Variants in SLC34A3 observed in about 807,000 individuals in gnomAD.
SLC34A3 encodes the protein solute carrier family 34 member 3, also known as sodium-dependent phosphate transport protein 2C.
A neutral mutation model predicts 43.9 loss-of-function variants in SLC34A3; 60 were observed. The ratio of observed to expected loss-of-function variants is 1.37; its 90% CI spans 1.11 to 1.70. The LOEUF (loss-of-function observed/expected upper bound fraction) is 1.70, where lower values mean the gene tolerates loss of function less well. Among genes scored for constraint, SLC34A3 ranks in the 40% most tolerant of loss-of-function variants. SLC34A3 has a pLI of 0.00. For missense variants in SLC34A3, 969 were observed against 823.8 expected (o/e 1.18, Z -2.16); for synonymous variants, 451 against 386.2 (o/e 1.17, Z -1.97).
upstream of SLC34A3, chr9:137,230,839 A>G (rs1298437835): frequency 6.6e-6 from 1 of 152,188 alleles, no homozygotes; most frequent in African/African-American, 2.4e-5. Flanking sequence ...TAATGGGCTC[A>G]GTACCCAGCA....
Position 137,232,179 on chromosome 9 carries a change from G to A in SLC34A3, c.175+18G>A, listed in dbSNP as rs546668671. 4.4e-5 allele frequency: 70 copies of A among 1,609,074 alleles called. No individual in the cohort carries two copies. Among genetic ancestry groups the A allele is most frequent in the Non-Finnish European group, 4.8e-5 (56 of 1,176,810 alleles). On this transcript the variant is annotated intron_variant, in intron 3 of 12. Transcript: ENST00000673835. The stretch of plus-strand genomic sequence containing the variant: ...CTGGAAAGGTGGGTCTGGAGGTTCC[G>A]GGGGTGGCAGGCTGGCAGGCCTCTG...
At position 137,235,728 on chromosome 9, in the gene SLC34A3, G is replaced by A. The variant is rs370529955; in HGVS notation, c.1336-224G>A. ...CAGCAGTGATGCAGTCAGTGCTCGG[G>A]GGTGCTGGGCTGGACTGCAGCTCCC... is the stretch of plus-strand genomic sequence containing the variant. On this transcript the variant is annotated intron_variant, in intron 12 of 12. Coordinates refer to ENST00000673835, the MANE Select transcript of SLC34A3 (RefSeq NM_001177316.2). Among the ~76,000 whole-genome samples the A allele has an allele frequency of 3.3e-5, 5 of 152,356 alleles. No homozygotes were observed. The East Asian group carries it at 9.6e-4, about 29-fold the overall frequency.
In SLC34A3 at chr9:137,234,125, G is replaced by C. The variant is rs34664302; in HGVS notation, c.942G>C (p.Ala314=). The C allele has an allele frequency of 0.01, 16,626 of 1,588,666 alleles. 285 individuals are homozygous for C. Among genetic ancestry groups the C allele is most frequent in the South Asian group, 0.05 (4,497 of 89,298 alleles). The stretch of plus-strand genomic sequence containing the variant: ...TGCCCCCAGGCCGCCACCTGTTTGC[G>C]GGCACGGAGCTCACGGACCTGGCCG... ...ADRLPCRHLF[A]GTELTDLAVG... is the part of the protein sequence containing the mutation. Residue 314 remains alanine (A), a synonymous_variant, in exon 10 of 13, where the codon GCG becomes GCC. Transcript: ENST00000673835. This position sits in a 1 kb window ranked among gnomAD's most constrained non-coding sequence, Gnocchi z 6.9.
chr9:137,232,031 G>C (rs777566846), intron 2 of SLC34A3, 41 bp from the exon 3 acceptor site: 3 of 1,585,912 alleles, frequency 1.9e-6, no homozygotes, highest in Admixed American at 1.7e-5. Context: ...GTTGGAGGGA[G>C]GTGGTCCTGG....
At position 137,233,399 on chromosome 9, in the gene SLC34A3, G is replaced by C. The variant is rs776182012; in HGVS notation, c.751G>C (p.Val251Leu). 34 of 1,602,778 alleles carry C rather than the reference G, an allele frequency of 2.1e-5. No individual in the cohort carries two copies. Among genetic ancestry groups the C allele is most frequent in the Non-Finnish European group, 2.9e-5 (34 of 1,176,682 alleles). ...VLTKPLTHLI[V>L]QLDSDMIMSS... ...GACGAAGCCGCTCACACACCTCATCGTGCAGGTGAGGACGGCCACCGCCCC... is the reference window on the plus strand; with the variant it reads ...GACGAAGCCGCTCACACACCTCATCCTGCAGGTGAGGACGGCCACCGCCCC... The change falls in exon 7 of 13, where the codon GTG becomes CTG. Residue 251 changes from valine to leucine, a missense_variant. Transcript: ENST00000673835.
Position 137,234,720 on chromosome 9 carries a change from A to G in SLC34A3, c.1324A>G (p.Ser442Gly), listed in dbSNP as rs773903138. The change falls in exon 12 of 13, where the codon AGC becomes GGC. Residue 442 changes from serine (S) to glycine (G), a missense_variant. Coordinates refer to ENST00000673835, the MANE Select transcript of SLC34A3 (RefSeq NM_001177316.2). This position sits in a 1 kb window ranked among gnomAD's most constrained non-coding sequence, Gnocchi z 6.9. The stretch of plus-strand genomic sequence containing the variant: ...GGCCAGCCCCGCAGACAGGATGCTC[A>G]GCGCCCTGCAGGTACTGTCCACCCT... ...ALASPADRML[S>G]ALQVALIHFF... is the part of the protein sequence containing the mutation. The G allele has an allele frequency of 2.1e-5, 34 of 1,609,780 alleles. No individual in the cohort carries two copies. The highest frequency in any genetic ancestry group is 2.8e-5 in the Non-Finnish European group (33 of 1,179,800).
rs1257960166 is a variant in SLC34A3 at position 137,234,001 on chromosome 9, A to G, written c.925+60A>G. 5.4e-6 allele frequency: 5 copies of G among 920,730 alleles called. No homozygotes were observed. The highest frequency in any genetic ancestry group is 4.0e-6 in the Non-Finnish European group (3 of 749,826). 57.0% of individuals were successfully genotyped at this position (920,730 alleles called of 1,614,324 possible). A position where few individuals can be genotyped will look rare whatever the true frequency, so the allele number is the denominator to read the frequency against. On this transcript the variant is annotated intron_variant, in intron 9 of 12. Coordinates refer to ENST00000673835, the MANE Select transcript of SLC34A3 (RefSeq NM_001177316.2). This position sits in a 1 kb window ranked among gnomAD's most constrained non-coding sequence, Gnocchi z 6.9. ...CCCACACTCCCCCTCACCGGCCCCT[A>G]CATGGAGAGGAACAGCACAGCCCCG...
In SLC34A3 at chr9:137,236,357, A is replaced by G; in HGVS notation, c.1741A>G (p.Thr581Ala). The G allele has an allele frequency of 6.5e-7, 1 of 1,540,580 alleles. No homozygotes were observed. Among genetic ancestry groups the G allele is most frequent in the South Asian group, 1.2e-5 (1 of 84,070 alleles). The change falls in exon 13 of 13, where the codon ACC becomes GCC. Residue 581 changes from threonine to alanine, a missense_variant. By Grantham distance (58) the Thr-to-Ala change is moderately conservative (BLOSUM62 0). Transcript: ENST00000673835. ...CAACGTCTGCAGCCCCCCGAAGGCC[A>G]CCACCAAAGAGGCCTACTGCTACGA... ...PCNVCSPPKA[T>A]TKEAYCYENP...
chr9:137,231,892 A>G, intron 2 of SLC34A3, 105 bp downstream of exon 2: 3 of 1,198,320 alleles, frequency 2.5e-6, no homozygotes, highest in Non-Finnish European at 3.7e-6. Flanking sequence ...CGGGGAACCC[A>G]CAGGGCTCAT....
Position 137,231,676 on chromosome 9 carries a change from G to A in SLC34A3, c.-27G>A, listed in dbSNP as rs1369668359. On this transcript the variant is annotated 5_prime_UTR_variant, in exon 2 of 13. Coordinates refer to ENST00000673835, the MANE Select transcript of SLC34A3 (RefSeq NM_001177316.2). ...TCCCCCCCAGCAGATCTAGACCTGGGCCTGGGTCTGTCCCTGCCCGAAATC... is the reference window on the plus strand; with the variant it reads ...TCCCCCCCAGCAGATCTAGACCTGGACCTGGGTCTGTCCCTGCCCGAAATC... The A allele has an allele frequency of 4.4e-6, 7 of 1,603,468 alleles. No individual in the cohort carries two copies. The highest frequency in any genetic ancestry group is 6.0e-6 in the Non-Finnish European group (7 of 1,171,784).
intron 2 of SLC34A3, 77 bp downstream of exon 2, chr9:137,231,864 G>C: frequency 7.4e-7 from 1 of 1,354,696 alleles, no homozygotes; most frequent in Non-Finnish European, 1.1e-6. Flanking sequence ...AGACAGGCCA[G>C]GTTTCCTGCG....
Position 137,232,861 on chromosome 9 carries a change from G to C in SLC34A3, c.382G>C (p.Val128Leu), listed in dbSNP as rs779964515. 1 of 1,612,570 alleles carries C rather than the reference G, an allele frequency of 6.2e-7. No individual in the cohort carries two copies. The highest frequency in any genetic ancestry group is 8.5e-7 in the Non-Finnish European group (1 of 1,179,764). ...GGCTGGACTGGTCATTGGCGTGCTGGTCACAGCCCTGGTGCAGAGTTCCAG... is the reference window on the plus strand; with the variant it reads ...GGCTGGACTGGTCATTGGCGTGCTGCTCACAGCCCTGGTGCAGAGTTCCAG... ...PVAGLVIGVL[V>L]TALVQSSSTS... The change falls in exon 5 of 13, where the codon GTC becomes CTC. Residue 128 changes from valine (V) to leucine (L), a missense_variant. Physicochemically the swap from Val to Leu is conservative, Grantham distance 32. Transcript: ENST00000673835.
rs117115558 is a variant in SLC34A3 at position 137,234,737 on chromosome 9, G to T, written c.1335+6G>T. ...GGATGCTCAGCGCCCTGCAGGTACT[G>T]TCCACCCTGCCCCGCTGCCAGAACT... On this transcript the variant is annotated splice_donor_region_variant and intron_variant, in intron 12 of 12. Coordinates refer to ENST00000673835, the MANE Select transcript of SLC34A3 (RefSeq NM_001177316.2). This position sits in a 1 kb window ranked among gnomAD's most constrained non-coding sequence, Gnocchi z 6.9. The T allele has an allele frequency of 6.8e-5, 110 of 1,607,536 alleles. No homozygotes were observed. The East Asian group carries it at 2.3e-3, about 34-fold the overall frequency.
Position 137,234,200 on chromosome 9 carries a change from G to A in SLC34A3, c.1017G>A (p.Leu339=). The A allele has an allele frequency of 6.2e-7, 1 of 1,607,014 alleles. No individual in the cohort carries two copies. Among genetic ancestry groups the A allele is most frequent in the Non-Finnish European group, 8.5e-7 (1 of 1,178,266 alleles). Residue 339 remains leucine (L), a synonymous_variant, in exon 10 of 13, where the codon CTG becomes CTA. Coordinates refer to ENST00000673835, the MANE Select transcript of SLC34A3 (RefSeq NM_001177316.2). The surrounding 1 kb of genome is among the most constrained non-coding windows in gnomAD (Gnocchi z 6.9). ...AGSLLVLCGC[L]VLIVKLLNSV... ...CCCTGCTGGTGCTCTGCGGCTGCCT[G>A]GTCCTCATAGTCAAGCTGCTCAACT...
intron 4 of SLC34A3, 22 bp from the exon 5 acceptor site, chr9:137,232,762 C>T (rs1050390872): frequency 1.5e-5 from 24 of 1,612,816 alleles, no homozygotes; most frequent in East Asian, 2.2e-5. Context: ...GCAGCTTCAG[C>T]GCACCTCTCT....
intron 1 of SLC34A3, 40 bp from the exon 2 acceptor site, chr9:137,231,624 C>T: frequency 8.0e-7 from 1 of 1,255,150 alleles, no homozygotes; most frequent in Non-Finnish European, 1.2e-6. Flanking sequence ...AGGGCCGGGG[C>T]AGGAGGAAAT....
At chr9:137,235,362 G>T (rs182613405) in intron 12 of SLC34A3, among the ~76,000 whole-genome samples, 1 of 152,278 alleles carries the variant, frequency 6.6e-6, no homozygotes, top group South Asian at 2.1e-4. Context: ...CTGCACCGCC[G>T]CTGACAGGAA....
In SLC34A3 at chr9:137,234,691, C is replaced by T. The variant is rs1161218835; in HGVS notation, c.1295C>T (p.Ala432Val). ...ACCACTACCACAGCCCTGCTGGCTGCCCTGGCCAGCCCCGCAGACAGGATG... is the reference window on the plus strand; with the variant it reads ...ACCACTACCACAGCCCTGCTGGCTGTCCTGGCCAGCCCCGCAGACAGGATG... ...IGTTTTALLA[A>V]LASPADRMLS... The change falls in exon 12 of 13, where the codon GCC becomes GTC. Residue 432 changes from alanine to valine, a missense_variant. Coordinates refer to ENST00000673835, the MANE Select transcript of SLC34A3 (RefSeq NM_001177316.2). The surrounding 1 kb of genome is among the most constrained non-coding windows in gnomAD (Gnocchi z 6.9). 4 of 1,611,786 alleles carry T rather than the reference C, an allele frequency of 2.5e-6. No individual in the cohort carries two copies. Among genetic ancestry groups the T allele is most frequent in the African/African-American group, 2.7e-5 (2 of 74,896 alleles).
Position 137,236,163 on chromosome 9 carries a change from C to A in SLC34A3, c.1547C>A (p.Ala516Asp), listed in dbSNP as rs1836582252. ...CTGGCAGGGGGCATGGAGCTGGCCGCTGTCGGGGGTCCCCTGGTGGGGCTG... is the reference window on the plus strand; with the variant it reads ...CTGGCAGGGGGCATGGAGCTGGCCGATGTCGGGGGTCCCCTGGTGGGGCTG... Reference protein sequence around the residue: ...LSLAGGMELAAVGGPLVGLVL... With the variant: ...LSLAGGMELADVGGPLVGLVL... Residue 516 changes from alanine to aspartate, a missense_variant, in exon 13 of 13, where the codon GCT becomes GAT. Ala to Asp is a moderately radical substitution (Grantham distance 126). Coordinates refer to ENST00000673835, the MANE Select transcript of SLC34A3 (RefSeq NM_001177316.2). 1 of 1,608,048 alleles carries A rather than the reference C, an allele frequency of 6.2e-7. No individual in the cohort carries two copies. Among genetic ancestry groups the A allele is most frequent in the South Asian group, 1.1e-5 (1 of 90,874 alleles).
Sources: allele counts gnomAD v4.1 joint callset (sites outside exome capture counted in the v4.1 genomes callset), GRCh38; gene constraint gnomAD v4.1.1; non-coding constraint Gnocchi (gnomAD v3.1); transcripts MANE v1.5; gene names NCBI Gene and HGNC (gene_info 2026-07-23, HGNC 2026-07-21).